TAS2R1: variants seen among roughly 807,000 people sequenced by gnomAD.
TAS2R1 encodes the protein taste receptor type 2 member 1.
For missense variants in TAS2R1, 370 were observed against 353.4 expected, an observed-to-expected ratio of 1.05 and a Z score of -0.38; for synonymous variants, 141 against 134.2, an observed-to-expected ratio of 1.05 and a Z score of -0.35.
At chr5:9,753,863 T>A in the TAS2R1 span, among the ~76,000 whole-genome samples, 2 of 152,212 alleles carry the variant, frequency 1.3e-5, no homozygotes, top group Non-Finnish European at 2.9e-5. Context: ...GTTGTAGATA[T>A]GCGGCATTAT....
At chr5:9,629,463 GA>G (rs1739825775), downstream of TAS2R1, 1 of 1,614,050 alleles carries the variant, frequency 6.2e-7, no homozygotes, top group Admixed American at 1.7e-5. Context: ...CAGCAAAAAG[GA>G]AGATAAGCAA....
chr5:9,713,179 T>G (rs1013141039), upstream of TAS2R1: 1 of 152,122 alleles, frequency 6.6e-6, no homozygotes, highest in African/African-American at 2.4e-5. Context: ...CATGACAACT[T>G]CCTTTATGTG....
the TAS2R1 span, among the ~76,000 whole-genome samples, chr5:9,792,615 C>T: frequency 6.6e-6 from 1 of 152,184 alleles, no homozygotes; most frequent in Non-Finnish European, 1.5e-5. Context: ...TCCCATATTT[C>T]TTTGCTCAGG....
At chr5:9,632,045 C>T (rs1229026709), upstream of TAS2R1, among the ~76,000 whole-genome samples, 1 of 152,130 alleles carries the variant, frequency 6.6e-6, no homozygotes, top group East Asian at 1.9e-4. Context: ...AAACATTCTG[C>T]AGCTTAGAAA....
the TAS2R1 span, among the ~76,000 whole-genome samples, chr5:9,840,833 T>TTTATTTATTTA: frequency 1.3e-5 from 1 of 77,476 alleles, no homozygotes; most frequent in African/African-American, 4.5e-5. Flanking sequence ...TTTCATTTTA[T>TTTATTTATTTA]TTTATTTATT....
the TAS2R1 span, among the ~76,000 whole-genome samples, chr5:9,837,028 G>C: frequency 6.6e-6 from 1 of 152,124 alleles, no homozygotes; most frequent in African/African-American, 2.4e-5. Flanking sequence ...CTGGTTGGCT[G>C]GCTGGCTGGC....
Position 9,700,981 on chromosome 5 carries a change from G to A in TAS2R1, c.-242+11191C>T, listed in dbSNP as rs1579790592. ...TATCAATTGTGTGCAAGTGAAGTGTGGGGACACAATTTAGTTCATAGCATA... is the reference window on the plus strand; with the variant it reads ...TATCAATTGTGTGCAAGTGAAGTGTAGGGACACAATTTAGTTCATAGCATA... On this transcript the variant is annotated intron_variant, in intron 1 of 2. Coordinates refer to the TAS2R1 transcript ENST00000506620. Among the ~76,000 whole-genome samples the A allele has an allele frequency of 2.0e-5, 3 of 152,238 alleles. No homozygotes were observed. In the South Asian group the frequency reaches 6.2e-4, roughly 32 times the overall value.
chr5:9,783,274 G>A, the TAS2R1 span, among the ~76,000 whole-genome samples: 5 of 152,208 alleles, frequency 3.3e-5, no homozygotes, highest in East Asian at 3.9e-4. Context: ...TAATCTCAAC[G>A]ATTCTACTTA....
At chr5:9,811,961 G>C in the TAS2R1 span, among the ~76,000 whole-genome samples, 1 of 151,956 alleles carries the variant, frequency 6.6e-6, no homozygotes, top group African/African-American at 2.4e-5. Flanking sequence ...CTGTGCACAT[G>C]ATATTCCTTC....
upstream of TAS2R1, chr5:9,713,741 G>A (rs528006946): frequency 6.6e-6 from 1 of 152,198 alleles, no homozygotes; most frequent in East Asian, 1.9e-4. Flanking sequence ...GTGCAGTTAG[G>A]AGAGACAAGG....
the TAS2R1 span, among the ~76,000 whole-genome samples, chr5:9,764,707 A>G: frequency 6.6e-6 from 1 of 152,222 alleles, no homozygotes; most frequent in Non-Finnish European, 1.5e-5. Flanking sequence ...TTTTGGATGG[A>G]AAACAATTTC....
chr5:9,742,973 A>G, the TAS2R1 span, among the ~76,000 whole-genome samples: 1,792 of 152,280 alleles, frequency 0.012, 19 homozygotes, highest in Non-Finnish European at 0.018. Flanking sequence ...CATGATGAAT[A>G]ACTGATCCAC....
chr5:9,698,781 C>A (rs1741415946), intron 1 of TAS2R1, among the ~76,000 whole-genome samples: 1 of 152,134 alleles, frequency 6.6e-6, no homozygotes, highest in Non-Finnish European at 1.5e-5. Flanking sequence ...AGTGGCTGAA[C>A]CGCAATGAGA....
At chr5:9,806,426 A>G in the TAS2R1 span, among the ~76,000 whole-genome samples, 1 of 152,144 alleles carries the variant, frequency 6.6e-6, no homozygotes, top group African/African-American at 2.4e-5. Flanking sequence ...ACCAAAAAAG[A>G]GTTCACATAG....
At chr5:9,819,039 C>A in the TAS2R1 span, among the ~76,000 whole-genome samples, 2 of 152,218 alleles carry the variant, frequency 1.3e-5, no homozygotes, top group Non-Finnish European at 2.9e-5. Context: ...CCCAAGTAAA[C>A]TGAAACACAT....
At chr5:9,658,331 G>A (rs532711797) in intron 2 of TAS2R1, 118 of 152,348 alleles carry the variant, frequency 7.7e-4, no homozygotes, top group African/African-American at 2.7e-3. Context: ...GCAGCCTGCA[G>A]TGGGATAGCT....
chr5:9,817,969 A>C, the TAS2R1 span, among the ~76,000 whole-genome samples: 2 of 152,078 alleles, frequency 1.3e-5, no homozygotes, highest in East Asian at 3.9e-4. Flanking sequence ...AGCATGGGAG[A>C]AACTGCTTCC....
At chr5:9,896,986 C>A in the TAS2R1 span, among the ~76,000 whole-genome samples, 1 of 152,148 alleles carries the variant, frequency 6.6e-6, no homozygotes, top group African/African-American at 2.4e-5. Context: ...AGTCTCTTAG[C>A]CTCTGCACTC....
At chr5:9,873,442 A>C in the TAS2R1 span, among the ~76,000 whole-genome samples, 1 of 149,556 alleles carries the variant, frequency 6.7e-6, no homozygotes, top group East Asian at 2.0e-4. Flanking sequence ...CTCGTATTGC[A>C]CAGAATATTT....
Sources: allele counts gnomAD v4.1 joint callset (sites outside exome capture counted in the v4.1 genomes callset), GRCh38; gene constraint gnomAD v4.1.1; transcripts MANE v1.5; gene names NCBI Gene and HGNC (gene_info 2026-07-23, HGNC 2026-07-21).